The following ACER1 variants were observed in gnomAD, a reference collection of about 807,000 sequenced individuals.
The protein encoded by ACER1 is CTB-180A7.3.
ACER1 carries 28 observed loss-of-function variants against 24.9 expected under a neutral mutation model. The observed-to-expected ratio is 1.13, with a 90% CI of 0.83 to 1.54. ACER1 has a LOEUF of 1.54. Ranked by LOEUF, ACER1 falls within the 40% of genes most tolerant of loss-of-function variation. The probability of loss-of-function intolerance (pLI) is 0.00; values close to 1 mark genes in which losing one functional copy is unlikely to be tolerated. For synonymous variants in ACER1, 132 were observed against 131.4 expected (o/e 1.00, Z -0.03); for missense variants, 352 against 349.3 (o/e 1.01, Z -0.06).
chr19:6,348,554 G>A, the ACER1 span, among the ~76,000 whole-genome samples: 1 of 151,802 alleles, frequency 6.6e-6, no homozygotes, highest in South Asian at 2.1e-4. Context: ...TCTGATGAGA[G>A]GGAAAAAATC....
the ACER1 span, among the ~76,000 whole-genome samples, chr19:6,339,076 C>A: frequency 6.6e-6 from 1 of 151,094 alleles, no homozygotes; most frequent in Non-Finnish European, 1.5e-5. Flanking sequence ...GGGGTTTCAG[C>A]ATGTTAGCCA....
intron 3 of ACER1, among the ~76,000 whole-genome samples, chr19:6,310,846 C>G (rs1349205157): frequency 1.3e-5 from 2 of 149,972 alleles, no homozygotes; most frequent in Admixed American, 6.6e-5. Context: ...CCACTGCACT[C>G]CAGCCTGGGG....
upstream of ACER1, among the ~76,000 whole-genome samples, chr19:6,336,202 C>T (rs9710146): frequency 2.0e-5 from 3 of 151,954 alleles, no homozygotes; most frequent in East Asian, 3.9e-4. Context: ...TGCCTGGCCT[C>T]TTTTTCTCTT....
In ACER1 at chr19:6,308,161, GC is replaced by G. The variant is rs2091560931; in HGVS notation, c.489-872del. Reference sequence around the variant, plus strand: ...CGAATATTAACTCAGTCAGCTGGGCGCGGCGGCTCAAGCCTGTAATCCCAGC... The same window carrying G: ...CGAATATTAACTCAGTCAGCTGGGCGGGCGGCTCAAGCCTGTAATCCCAGC... On this transcript the variant is annotated intron_variant, in intron 4 of 5. Transcript: ENST00000301452. Among the ~76,000 whole-genome samples, 9 of 151,954 alleles carry G rather than the reference GC, an allele frequency of 5.9e-5. No homozygotes were observed. In the South Asian group the frequency reaches 1.9e-3, roughly 32 times the overall value.
intron 1 of ACER1, among the ~76,000 whole-genome samples, chr19:6,321,810 C>A (rs764709403): frequency 6.6e-6 from 1 of 152,140 alleles, no homozygotes; most frequent in African/African-American, 2.4e-5. Flanking sequence ...CGGGGTTTCA[C>A]CATGTTGGCC....
intron 1 of ACER1, among the ~76,000 whole-genome samples, chr19:6,313,856 A>T (rs2091592138): frequency 6.6e-6 from 1 of 152,196 alleles, no homozygotes; most frequent in Non-Finnish European, 1.5e-5. Context: ...CTACCCTTGA[A>T]GCCACCACGC....
the ACER1 span, among the ~76,000 whole-genome samples, chr19:6,346,468 C>G: frequency 6.6e-6 from 1 of 151,728 alleles, no homozygotes; most frequent in Admixed American, 6.6e-5. Flanking sequence ...TCCTCCCCCT[C>G]CTCTTCCTCC....
At chr19:6,320,847 T>G (rs2091626798) in intron 1 of ACER1, among the ~76,000 whole-genome samples, 1 of 152,140 alleles carries the variant, frequency 6.6e-6, no homozygotes, top group African/African-American at 2.4e-5. Context: ...GGATTACAGT[T>G]GGTGCTAATT....
the ACER1 span, among the ~76,000 whole-genome samples, chr19:6,339,240 C>T: frequency 6.6e-6 from 1 of 152,062 alleles, no homozygotes. Flanking sequence ...TGGATAAACA[C>T]AATGTGTGTG....
chr19:6,315,415 C>G (rs1023064859), intron 1 of ACER1, among the ~76,000 whole-genome samples: 3 of 148,744 alleles, frequency 2.0e-5, no homozygotes, highest in Non-Finnish European at 4.5e-5. Flanking sequence ...AGTCTCACTC[C>G]GTCGCCCAGG....
the ACER1 span, among the ~76,000 whole-genome samples, chr19:6,356,207 C>G: frequency 2.7e-4 from 41 of 150,038 alleles, no homozygotes; most frequent in East Asian, 7.9e-3. Flanking sequence ...TGTGCTGTGT[C>G]CACTCAGGGT....
intron 1 of ACER1, among the ~76,000 whole-genome samples, chr19:6,330,928 C>A (rs1468607313): frequency 6.7e-6 from 1 of 149,680 alleles, no homozygotes; most frequent in East Asian, 1.9e-4. Flanking sequence ...CTCGGACTCT[C>A]CTCCCAGAAA....
chr19:6,354,364 G>C, the ACER1 span, among the ~76,000 whole-genome samples: 4 of 151,978 alleles, frequency 2.6e-5, no homozygotes, highest in Non-Finnish European at 4.4e-5. Flanking sequence ...TATCGAGTGG[G>C]TGGAGGCCAG....
At chr19:6,341,995 T>G in the ACER1 span, among the ~76,000 whole-genome samples, 1 of 152,330 alleles carries the variant, frequency 6.6e-6, no homozygotes, top group Admixed American at 6.5e-5. Flanking sequence ...AATATAAAAT[T>G]TCCTTTTGAA....
intron 1 of ACER1, among the ~76,000 whole-genome samples, chr19:6,316,114 C>T (rs186119833): frequency 4.0e-4 from 61 of 151,910 alleles, no homozygotes; most frequent in East Asian, 1.4e-3. Context: ...GGTGAGAGAA[C>T]GAGACTCCGT....
intron 1 of ACER1, among the ~76,000 whole-genome samples, chr19:6,317,147 T>C (rs2091607089): frequency 6.6e-6 from 1 of 151,928 alleles, no homozygotes; most frequent in African/African-American, 2.4e-5. Context: ...CTAACTTTTG[T>C]ATTTTTAGTA....
chr19:6,359,872 CCTTT>C, the ACER1 span, among the ~76,000 whole-genome samples: 2 of 152,166 alleles, frequency 1.3e-5, no homozygotes, highest in African/African-American at 4.8e-5. Flanking sequence ...CTACCTACCT[CCTTT>C]ATCACCTCTT....
At chr19:6,329,949 C>T (rs1332385579) in intron 1 of ACER1, among the ~76,000 whole-genome samples, 1 of 150,888 alleles carries the variant, frequency 6.6e-6, no homozygotes, top group Admixed American at 6.6e-5. Context: ...CAGCTCACTG[C>T]AAGTTCCACC....
chr19:6,312,715 A>C (rs1600235929), intron 1 of ACER1, among the ~76,000 whole-genome samples: 1 of 136,256 alleles, frequency 7.3e-6, no homozygotes, highest in Non-Finnish European at 1.5e-5. Context: ...TTGCTCTGTC[A>C]CTCAGGCTGG....
Sources: gnomAD v4.1 joint callset for allele counts (sites outside exome capture counted in the v4.1 genomes callset) on GRCh38, gnomAD v4.1.1 for gene constraint, MANE v1.5 for transcripts, NCBI Gene and HGNC (gene_info 2026-07-23, HGNC 2026-07-21) for gene names.